Variants in RGPD2 observed in about 807,000 individuals in gnomAD.
RGPD2 encodes the protein RANBP2 like and GRIP domain containing 2.
RGPD2 carries 2 observed loss-of-function variants against 36.0 expected under a neutral mutation model. The ratio of observed to expected loss-of-function variants is 0.06; its 90% CI spans 0.02 to 0.17. The LOEUF is 0.17. RGPD2 is among the 10% of genes least tolerant of loss of function. The pLI, the probability that RGPD2 is intolerant of heterozygous loss-of-function variation, is 1.00. For missense variants in RGPD2, 40 were observed against 464.3 expected (o/e 0.09, Z 8.40); for synonymous variants, 19 against 163.8 (o/e 0.12, Z 6.75).
the RGPD2 span, among the ~76,000 whole-genome samples, chr2:87,874,092 G>A: frequency 6.8e-5 from 10 of 147,536 alleles, no homozygotes; most frequent in East Asian, 9.7e-4. Flanking sequence ...ATTTATTTAA[G>A]TTTCCCCTAG....
At chr2:87,988,464 G>A in the RGPD2 span, among the ~76,000 whole-genome samples, 40 of 122,722 alleles carry the variant, frequency 3.3e-4, no homozygotes, top group East Asian at 7.6e-3. Flanking sequence ...TATCTTAGTC[G>A]CTTAGGCTTC....
chr2:87,839,531 T>A, the RGPD2 span, among the ~76,000 whole-genome samples: 5 of 152,142 alleles, frequency 3.3e-5, 1 homozygote, highest in East Asian at 9.7e-4. Context: ...TAGATGCCCA[T>A]CAGTGGAGGA....
chr2:87,825,533 G>GAGGCCGAGGCCGCCGCCCGGCC (rs1686737561), intron 1 of RGPD2, 125 bp downstream of exon 1: 1 of 498,662 alleles, frequency 2.0e-6, no homozygotes, highest in African/African-American at 6.7e-5. Context: ...GGCCGAGGCC[G>GAGGCCGAGGCCGCCGCCCGGCC]AGGCCGAGGC....
Position 87,783,250 on chromosome 2 carries a change from GCTACTA to G in RGPD2, c.3768_3773del (p.Ser1258_Ser1259del). The G allele has an allele frequency of 1.7e-6, 1 of 576,882 alleles. No homozygotes were observed. The highest frequency in any genetic ancestry group is 2.9e-6 in the Non-Finnish European group (1 of 339,122). 35.7% of individuals were successfully genotyped at this position (576,882 alleles called of 1,614,324 possible). On this transcript the variant is annotated inframe_deletion, in exon 20 of 23. Coordinates refer to ENST00000398146, the MANE Select transcript of RGPD2 (RefSeq NM_001078170.3). ...TTGCCAACGGAGAATCATGTACTGA[GCTACTA>G]CTAACATTATCATCCAAAGCATCTT...
the RGPD2 span, among the ~76,000 whole-genome samples, chr2:87,878,682 C>A: frequency 6.6e-6 from 1 of 152,230 alleles, no homozygotes; most frequent in Non-Finnish European, 1.5e-5. Context: ...GAACTTTTAT[C>A]TCTTATCTAA....
the RGPD2 span, among the ~76,000 whole-genome samples, chr2:87,866,385 G>T: frequency 6.6e-6 from 1 of 152,074 alleles, no homozygotes; most frequent in African/African-American, 2.4e-5. Context: ...CAAATTTCCT[G>T]ATTAAATTTT....
At chr2:87,857,556 A>C in the RGPD2 span, among the ~76,000 whole-genome samples, 2 of 150,016 alleles carry the variant, frequency 1.3e-5, no homozygotes, top group East Asian at 2.1e-4. Context: ...GTTAGCCAGG[A>C]TGGTCTCGAT....
chr2:87,884,314 T>C, the RGPD2 span, among the ~76,000 whole-genome samples: 2,581 of 151,312 alleles, frequency 0.017, 26 homozygotes, highest in Non-Finnish European at 0.019. Context: ...AAGAAGGGAG[T>C]GTATAACAAT....
At chr2:87,773,706 A>AAAG (rs1685205889) in intron 21 of RGPD2, among the ~76,000 whole-genome samples, 1 of 19,148 alleles carries the variant, frequency 5.2e-5, no homozygotes, top group African/African-American at 1.8e-4. Context: ...AAAAAAAAAA[A>AAAG]AAAGAAAATA....
At chr2:87,963,904 C>T in the RGPD2 span, among the ~76,000 whole-genome samples, 7 of 135,974 alleles carry the variant, frequency 5.1e-5, no homozygotes, top group Admixed American at 3.8e-4. Context: ...GGCGCAATCT[C>T]GGCTCATTGC....
At chr2:87,988,463 C>T in the RGPD2 span, among the ~76,000 whole-genome samples, 4 of 125,230 alleles carry the variant, frequency 3.2e-5, no homozygotes, top group African/African-American at 5.4e-5. Context: ...TTATCTTAGT[C>T]GCTTAGGCTT....
chr2:87,786,150 TAAA>T (rs1230564222), intron 18 of RGPD2, among the ~76,000 whole-genome samples: 2 of 100,094 alleles, frequency 2.0e-5, no homozygotes, highest in South Asian at 7.5e-4. Flanking sequence ...AAATATTAAA[TAAA>T]AAAAAAATCT....
At chr2:87,944,669 G>C in the RGPD2 span, among the ~76,000 whole-genome samples, 7 of 111,076 alleles carry the variant, frequency 6.3e-5, no homozygotes, top group Non-Finnish European at 1.2e-4. Flanking sequence ...AGAAATCAAA[G>C]ATATTTTCCA....
At chr2:87,865,110 C>CT in the RGPD2 span, among the ~76,000 whole-genome samples, 1 of 151,592 alleles carries the variant, frequency 6.6e-6, no homozygotes, top group Admixed American at 6.6e-5. Flanking sequence ...AAATCATTCA[C>CT]TTTTTTCTCT....
At chr2:87,855,710 CT>C in the RGPD2 span, among the ~76,000 whole-genome samples, 1 of 142,790 alleles carries the variant, frequency 7.0e-6, no homozygotes. Context: ...AAACCTCTGC[CT>C]TTCAGGTTCA....
At chr2:87,930,485 G>T in the RGPD2 span, among the ~76,000 whole-genome samples, 1 of 152,048 alleles carries the variant, frequency 6.6e-6, no homozygotes, top group Non-Finnish European at 1.5e-5. Flanking sequence ...ATTTTGCTGA[G>T]GATTTTGCAT....
chr2:87,962,277 C>T, the RGPD2 span, among the ~76,000 whole-genome samples: 1 of 152,120 alleles, frequency 6.6e-6, no homozygotes, highest in African/African-American at 2.4e-5. Context: ...TTTGTGTAAA[C>T]ATTACAGTCT....
upstream of RGPD2, among the ~76,000 whole-genome samples, chr2:87,827,623 C>T (rs1271176909): frequency 3.5e-5 from 3 of 85,002 alleles, no homozygotes; most frequent in Non-Finnish European, 4.7e-5. Flanking sequence ...TTTTTACAAA[C>T]GTATCACATC....
At chr2:87,919,106 T>C in the RGPD2 span, among the ~76,000 whole-genome samples, 8 of 151,090 alleles carry the variant, frequency 5.3e-5, no homozygotes, top group African/African-American at 1.7e-4. Context: ...ACCTCCAGTA[T>C]TCAAAAGCAT....
Sources: gnomAD v4.1 joint callset for allele counts (sites outside exome capture counted in the v4.1 genomes callset) on GRCh38, gnomAD v4.1.1 for gene constraint, MANE v1.5 for transcripts, NCBI Gene and HGNC (gene_info 2026-07-23, HGNC 2026-07-21) for gene names.